NKAIN3: variants seen among roughly 807,000 people sequenced by gnomAD.
NKAIN3 encodes sodium/potassium transporting ATPase interacting 3.
In NKAIN3, 25 loss-of-function variants were observed where a neutral mutation model predicts 30.2. The ratio of observed to expected loss-of-function variants is 0.83; its 90% confidence interval spans 0.60 to 1.16. The LOEUF (loss-of-function observed/expected upper bound fraction) is 1.16, where lower values mean the gene tolerates loss of function less well. Ranked by LOEUF, NKAIN3 falls within the 50% of genes most tolerant of loss-of-function variation. NKAIN3 has a pLI of 0.00. For synonymous variants in NKAIN3, 91 were observed against 89.6 expected (o/e 1.02, Z -0.09); for missense variants, 225 against 254.1 (o/e 0.89, Z 0.78).
At chr8:62,640,904 C>T (rs1812287085) in intron 3 of NKAIN3, among the ~76,000 whole-genome samples, 1 of 152,216 alleles carries the variant, frequency 6.6e-6, no homozygotes, top group Non-Finnish European at 1.5e-5. Context: ...TCTATTCAGT[C>T]ATGTTTTTGT....
In NKAIN3 at chr8:62,979,231, G is replaced by C. The variant is rs1299577219; in HGVS notation, c.*13824G>C. The C allele has an allele frequency of 6.6e-6, 1 of 152,162 alleles. No homozygotes were observed. The highest frequency in any genetic ancestry group is 1.5e-5 in the Non-Finnish European group (1 of 68,056). The allele number at this position is 152,162 out of a possible 1,614,324, so 9.4% of individuals were successfully genotyped here. ...AGGCTGGGTGTGTGTGTGTGAAAGA[G>C]AGAGAGAAACAGAAACAGAGACAAG... On this transcript the variant is annotated 3_prime_UTR_variant, in exon 7 of 7. Transcript: ENST00000623646.
intron 3 of NKAIN3, among the ~76,000 whole-genome samples, chr8:62,676,440 G>A (rs1457296411): frequency 6.6e-6 from 1 of 152,200 alleles, no homozygotes; most frequent in Non-Finnish European, 1.5e-5. Flanking sequence ...ATGGTGGTGG[G>A]TGCCTGTAGT....
At chr8:62,869,816 G>A (rs999285747) in intron 4 of NKAIN3, among the ~76,000 whole-genome samples, 3 of 152,048 alleles carry the variant, frequency 2.0e-5, no homozygotes, top group African/African-American at 7.2e-5. Flanking sequence ...TGCCCAGGCT[G>A]GAGTGCAGTG....
chr8:62,592,286 C>T (rs1480131534), intron 3 of NKAIN3, among the ~76,000 whole-genome samples: 2 of 152,024 alleles, frequency 1.3e-5, no homozygotes, highest in Admixed American at 6.6e-5. Context: ...AGCCTGGAAA[C>T]TGAGATTCTT....
intron 4 of NKAIN3, among the ~76,000 whole-genome samples, chr8:62,757,282 C>A (rs115323058): frequency 6.6e-6 from 1 of 152,076 alleles, no homozygotes; most frequent in South Asian, 2.1e-4. Flanking sequence ...TTCATAATAA[C>A]GAGAGTTCAT....
At chr8:62,275,391 G>C (rs955456369) in intron 1 of NKAIN3, among the ~76,000 whole-genome samples, 1 of 152,094 alleles carries the variant, frequency 6.6e-6, no homozygotes, top group Non-Finnish European at 1.5e-5. Context: ...TTCCTTTTAA[G>C]GTATTTGTTA....
intron 4 of NKAIN3, among the ~76,000 whole-genome samples, chr8:62,869,396 A>T (rs1238262397): frequency 6.6e-6 from 1 of 151,704 alleles, no homozygotes; most frequent in East Asian, 1.9e-4. Context: ...TCATTGTTCA[A>T]CTCTCACTTA....
chr8:62,907,330 T>C (rs887135222), intron 4 of NKAIN3, among the ~76,000 whole-genome samples: 2 of 152,276 alleles, frequency 1.3e-5, no homozygotes, highest in African/African-American at 4.8e-5. Context: ...TTGGAACTTA[T>C]GTTTAAAAGG....
rs11992607 is a variant in NKAIN3 at position 62,308,045 on chromosome 8, T to A, written c.54+58918T>A. ...AATGGGTCAGGAGAACATAGCATTA[T>A]GTCAAGAGCTGTGAGTCTAGGAAGA... On this transcript the variant is annotated intron_variant, in intron 1 of 6. Coordinates refer to ENST00000623646, the MANE Select transcript of NKAIN3 (RefSeq NM_001304533.3). 9.7e-3 allele frequency among the ~76,000 whole-genome samples: 1,465 copies of A among 150,542 alleles called. 144 individuals carry two copies. Among genetic ancestry groups the A allele is most frequent in the African/African-American group, 0.034 (1,378 of 39,950 alleles).
intron 1 of NKAIN3, among the ~76,000 whole-genome samples, chr8:62,555,623 A>G (rs1809363130): frequency 6.6e-6 from 1 of 152,064 alleles, no homozygotes; most frequent in African/African-American, 2.4e-5. Flanking sequence ...GTTTAGTAGG[A>G]AAAAAAGACA....
chr8:62,754,362 G>GCACA (rs35621967), intron 4 of NKAIN3, among the ~76,000 whole-genome samples: 28,145 of 149,370 alleles, frequency 0.19, 2,828 homozygotes, highest in East Asian at 0.29. Context: ...GTTGATTAGT[G>GCACA]CACACACACA....
At chr8:62,676,786 T>C (rs186550510) in intron 3 of NKAIN3, among the ~76,000 whole-genome samples, 1 of 151,098 alleles carries the variant, frequency 6.6e-6, no homozygotes, top group Non-Finnish European at 1.5e-5. Flanking sequence ...TGAACATGGC[T>C]CACTGTAGCC....
chr8:62,337,450 CA>C (rs563578056), intron 1 of NKAIN3, among the ~76,000 whole-genome samples: 5 of 151,766 alleles, frequency 3.3e-5, no homozygotes, highest in African/African-American at 9.7e-5. Flanking sequence ...TGAAGTATAT[CA>C]GGGGCAGGAA....
chr8:62,466,047 A>G (rs182726958), intron 1 of NKAIN3, among the ~76,000 whole-genome samples: 99 of 152,208 alleles, frequency 6.5e-4, no homozygotes, highest in Non-Finnish European at 1.1e-3. Context: ...AAAGAAAAAA[A>G]AGTTTTGAGA....
intron 2 of NKAIN3, 123 bp downstream of exon 2, chr8:62,579,799 A>C (rs1040516188): frequency 1.0e-5 from 5 of 494,478 alleles, no homozygotes; most frequent in African/African-American, 8.0e-5. Context: ...TAGCCCTCAA[A>C]TGTTAAATTT....
intron 1 of NKAIN3, among the ~76,000 whole-genome samples, chr8:62,573,561 C>T (rs562441318): frequency 1.3e-4 from 19 of 151,796 alleles, no homozygotes; most frequent in Non-Finnish European, 2.5e-4. Context: ...TATTAAGATC[C>T]TGATTGCCTT....
chr8:62,973,714 G>C lies in NKAIN3; in HGVS notation c.*8307G>C, dbSNP rs184065842. ...TTGGCTTTTGTTGACATTGCTTTTGGTGTTTCAGTCATGAAGTCTTTGCCC... is the reference window on the plus strand; with the variant it reads ...TTGGCTTTTGTTGACATTGCTTTTGCTGTTTCAGTCATGAAGTCTTTGCCC... On this transcript the variant is annotated 3_prime_UTR_variant, in exon 7 of 7. Coordinates refer to ENST00000623646, the MANE Select transcript of NKAIN3 (RefSeq NM_001304533.3). Among the ~76,000 whole-genome samples, 1 of 152,092 alleles carries C rather than the reference G, an allele frequency of 6.6e-6. No homozygotes were observed. The highest frequency in any genetic ancestry group is 1.5e-5 in the Non-Finnish European group (1 of 68,022).
chr8:62,648,085 G>T (rs922145054), intron 3 of NKAIN3, among the ~76,000 whole-genome samples: 7 of 152,148 alleles, frequency 4.6e-5, no homozygotes, highest in African/African-American at 1.7e-4. Flanking sequence ...GGTGCATGGT[G>T]GTGCAGTCAC....
intron 3 of NKAIN3, among the ~76,000 whole-genome samples, chr8:62,715,448 G>A (rs1256284105): frequency 2.0e-5 from 3 of 152,134 alleles, no homozygotes; most frequent in Admixed American, 6.5e-5. Flanking sequence ...ATATTCAAAT[G>A]TAACTGAGAA....
Sources: allele counts gnomAD v4.1 joint callset (sites outside exome capture counted in the v4.1 genomes callset), GRCh38; gene constraint gnomAD v4.1.1; transcripts MANE v1.5; gene names NCBI Gene and HGNC (gene_info 2026-07-23, HGNC 2026-07-21).